The following XRCC4 variants were observed in gnomAD, a reference collection of about 807,000 sequenced individuals.
XRCC4 encodes the protein DNA repair protein XRCC4.
Under a neutral mutation model 39.1 loss-of-function variants are expected in XRCC4, and 28 were observed. The observed-to-expected ratio is 0.72, with a 90% confidence interval of 0.53 to 0.98. The LOEUF (loss-of-function observed/expected upper bound fraction) is 0.98. Among genes scored for constraint, XRCC4 ranks in the 50% least tolerant of loss-of-function variants. The pLI, the probability that XRCC4 is intolerant of heterozygous loss-of-function variation, is 0.00. For synonymous variants in XRCC4, 123 were observed against 126.4 expected (o/e 0.97, Z 0.18); for missense variants, 350 against 376.4 (o/e 0.93, Z 0.58).
intron 1 of XRCC4, among the ~76,000 whole-genome samples, chr5:83,078,569 G>A (rs1744788654): frequency 6.6e-6 from 1 of 152,228 alleles, no homozygotes; most frequent in African/African-American, 2.4e-5. Context: ...ACAATGATTA[G>A]AAGATTTGGG....
At chr5:83,219,789 G>A (rs959423358) in intron 6 of XRCC4, among the ~76,000 whole-genome samples, 1 of 152,064 alleles carries the variant, frequency 6.6e-6, no homozygotes, top group East Asian at 1.9e-4. Context: ...TATATTATAC[G>A]TTGAAATTGT....
chr5:83,230,309 A>G (rs1364736918), intron 6 of XRCC4, among the ~76,000 whole-genome samples: 1 of 151,902 alleles, frequency 6.6e-6, no homozygotes, highest in African/African-American at 2.4e-5. Context: ...TTGTTTTTCA[A>G]GATTTTTCAA....
chr5:83,366,702 T>C, the XRCC4 span, among the ~76,000 whole-genome samples: 10 of 152,326 alleles, frequency 6.6e-5, no homozygotes, highest in Admixed American at 1.3e-4. Flanking sequence ...CTCTTTTTGC[T>C]TCAGCCACAC....
chr5:83,223,967 G>T (rs1752192329), intron 6 of XRCC4, among the ~76,000 whole-genome samples: 1 of 151,436 alleles, frequency 6.6e-6, no homozygotes, highest in South Asian at 2.1e-4. Flanking sequence ...TTTTATGGCT[G>T]CATAGTATTC....
At chr5:83,282,863 T>TA (rs1754596161) in intron 7 of XRCC4, among the ~76,000 whole-genome samples, 1 of 151,628 alleles carries the variant, frequency 6.6e-6, no homozygotes, top group Non-Finnish European at 1.5e-5. Context: ...TAAAATAAAA[T>TA]AAAAATTTGA....
intron 2 of XRCC4, among the ~76,000 whole-genome samples, chr5:83,106,024 A>G (rs1434067281): frequency 6.6e-6 from 1 of 152,180 alleles, no homozygotes; most frequent in East Asian, 1.9e-4. Context: ...TTTTTGACAC[A>G]GAACAGGTAA....
At chr5:83,321,857 T>C (rs1157739364) in intron 7 of XRCC4, among the ~76,000 whole-genome samples, 1 of 151,820 alleles carries the variant, frequency 6.6e-6, no homozygotes, top group African/African-American at 2.4e-5. Flanking sequence ...TTATCCATGA[T>C]TAAGTCACAC....
rs1280590650 is a variant in XRCC4, at chr5:83,165,305, G to T, written c.316-30465G>T. Among the ~76,000 whole-genome samples, 4 of 125,392 alleles carry T rather than the reference G, an allele frequency of 3.2e-5. No individual in the cohort carries two copies. In the South Asian group the frequency reaches 1.1e-3, roughly 35 times the overall value. The allele number at this position is 125,392 out of a possible 152,430, so 82.3% of individuals were successfully genotyped here. On this transcript the variant is annotated intron_variant, in intron 3 of 7. Transcript: ENST00000396027. ...AAGTAATAAACATGTCTCTGATTAGGTGAATCAATAGACATTGATTTATAT... is the reference window on the plus strand; with the variant it reads ...AAGTAATAAACATGTCTCTGATTAGTTGAATCAATAGACATTGATTTATAT...
intron 3 of XRCC4, among the ~76,000 whole-genome samples, chr5:83,168,077 T>A (rs1479913909): frequency 6.6e-6 from 1 of 152,132 alleles, no homozygotes; most frequent in Non-Finnish European, 1.5e-5. Context: ...ATTAAATCAA[T>A]TATGCCAACA....
the XRCC4 span, among the ~76,000 whole-genome samples, chr5:83,360,296 TA>T: frequency 6.6e-6 from 1 of 152,106 alleles, no homozygotes; most frequent in Non-Finnish European, 1.5e-5. Context: ...GATGTATGCT[TA>T]AAGGTGATGG....
intron 6 of XRCC4, among the ~76,000 whole-genome samples, chr5:83,215,706 G>A (rs188867165): frequency 1.3e-5 from 2 of 152,314 alleles, no homozygotes; most frequent in African/African-American, 2.4e-5. Flanking sequence ...GCACAGCTGC[G>A]AAGACAATTT....
At chr5:83,302,450 C>T (rs1028061912) in intron 7 of XRCC4, among the ~76,000 whole-genome samples, 1 of 152,146 alleles carries the variant, frequency 6.6e-6, no homozygotes, top group Non-Finnish European at 1.5e-5. Context: ...GGAGGGAGTT[C>T]CCCGATCCCT....
At chr5:83,168,719 A>C (rs1467232182) in intron 3 of XRCC4, among the ~76,000 whole-genome samples, 1 of 152,230 alleles carries the variant, frequency 6.6e-6, no homozygotes, top group African/African-American at 2.4e-5. Context: ...TATCAAGCAC[A>C]CAAAAACACA....
intron 1 of XRCC4, among the ~76,000 whole-genome samples, chr5:83,095,626 TG>T (rs1378194911): frequency 4.6e-5 from 7 of 152,136 alleles, no homozygotes; most frequent in Non-Finnish European, 5.9e-5. Flanking sequence ...GGATTACTCC[TG>T]GACTGCAGCA....
chr5:83,165,206 A>G (rs1749404277), intron 3 of XRCC4, among the ~76,000 whole-genome samples: 3 of 152,216 alleles, frequency 2.0e-5, no homozygotes, highest in South Asian at 4.1e-4. Flanking sequence ...AAAAATCTAA[A>G]CACACATAAC....
intron 6 of XRCC4, among the ~76,000 whole-genome samples, chr5:83,209,899 A>T (rs566197690): frequency 6.6e-6 from 1 of 152,266 alleles, no homozygotes; most frequent in South Asian, 2.1e-4. Flanking sequence ...CTACATAATT[A>T]CTAGCCCAAG....
chr5:83,185,803 G>A (rs1750414125), intron 3 of XRCC4, among the ~76,000 whole-genome samples: 1 of 152,046 alleles, frequency 6.6e-6, no homozygotes, highest in African/African-American at 2.4e-5. Context: ...TAAATAACTG[G>A]TGAAGAAGCA....
At chr5:83,160,886 A>AT in intron 3 of XRCC4, among the ~76,000 whole-genome samples, 1 of 151,850 alleles carries the variant, frequency 6.6e-6, no homozygotes, top group Non-Finnish European at 1.5e-5. Context: ...GGAAATAATC[A>AT]TTTTTTAAGT....
chr5:83,094,285 C>A, intron 1 of XRCC4, among the ~76,000 whole-genome samples: 1 of 131,528 alleles, frequency 7.6e-6, no homozygotes. Flanking sequence ...AGGCTCCCCT[C>A]CCCTCCTTTC....
Sources: gnomAD v4.1 joint callset for allele counts (sites outside exome capture counted in the v4.1 genomes callset) on GRCh38, gnomAD v4.1.1 for gene constraint, MANE v1.5 for transcripts, NCBI Gene and HGNC (gene_info 2026-07-23, HGNC 2026-07-21) for gene names.